CACNG4: variants seen among roughly 807,000 people sequenced by gnomAD.
CACNG4 encodes voltage-dependent calcium channel gamma-4 subunit.
A neutral mutation model predicts 22.9 loss-of-function variants in CACNG4; 8 were observed. That is an observed-to-expected ratio of 0.35 (90% confidence interval 0.21 to 0.63). The LOEUF (loss-of-function observed/expected upper bound fraction) is 0.63, where lower values mean the gene tolerates loss of function less well. CACNG4 is among the 30% of genes least tolerant of loss of function. The probability of loss-of-function intolerance (pLI) is 0.72; values close to 1 mark genes in which losing one functional copy is unlikely to be tolerated. For missense variants in CACNG4, 357 were observed against 455.4 expected (o/e 0.78, Z 1.97); for synonymous variants, 188 against 191.9 (o/e 0.98, Z 0.17).
intron 1 of CACNG4, among the ~76,000 whole-genome samples, chr17:67,000,105 A>C (rs3785587): frequency 6.6e-6 from 1 of 152,024 alleles, no homozygotes; most frequent in African/African-American, 2.4e-5. Flanking sequence ...GCTTCCACGC[A>C]GCCTTCCCCA....
At chr17:67,011,827 G>A (rs1329822116) in intron 1 of CACNG4, among the ~76,000 whole-genome samples, 7 of 151,824 alleles carry the variant, frequency 4.6e-5, no homozygotes, top group East Asian at 3.9e-4. Context: ...ATGCACAGTC[G>A]TCCCCTCCTA....
chr17:67,018,237 A>G lies in CACNG4; in HGVS notation c.269A>G (p.Asn90Ser). ...CGGATCAATCACTTCCCAGAGGACA[A>G]TGACTACGACCACGACAGCTCGGAG... ...CFRINHFPED[N>S]DYDHDSSEYL... The change falls in exon 2 of 4, where the codon AAT becomes AGT. Residue 90 changes from asparagine (N) to serine (S), a missense_variant. Coordinates refer to ENST00000262138, the MANE Select transcript of CACNG4 (RefSeq NM_014405.4). 6.2e-7 allele frequency: 1 copy of G among 1,614,138 alleles called. No individual in the cohort carries two copies. Among genetic ancestry groups the G allele is most frequent in the Non-Finnish European group, 8.5e-7 (1 of 1,179,986 alleles).
intron 1 of CACNG4, among the ~76,000 whole-genome samples, chr17:67,010,764 G>A (rs1316669075): frequency 1.3e-5 from 2 of 152,068 alleles, no homozygotes; most frequent in Non-Finnish European, 2.9e-5. Flanking sequence ...GTCTTTCTAG[G>A]CTGTTCCCTT....
chr17:66,994,611 C>A (rs2035362594), intron 1 of CACNG4, among the ~76,000 whole-genome samples: 1 of 152,218 alleles, frequency 6.6e-6, no homozygotes, highest in African/African-American at 2.4e-5. Context: ...AGAAAGCATG[C>A]CCTTTGGAAC....
At chr17:67,019,477 A>T (rs2035519422) in intron 2 of CACNG4, among the ~76,000 whole-genome samples, 1 of 152,224 alleles carries the variant, frequency 6.6e-6, no homozygotes, top group South Asian at 2.1e-4. Context: ...GCACAACTCA[A>T]GGGATGTCAC....
intron 2 of CACNG4, among the ~76,000 whole-genome samples, chr17:67,020,729 A>G (rs59077689): frequency 0.031 from 4,661 of 152,310 alleles, 218 homozygotes; most frequent in African/African-American, 0.11. Flanking sequence ...GGCCAAGGTC[A>G]TGATCACCAC....
chr17:66,997,817 A>AAAAC lies in CACNG4; in HGVS notation c.221-20352_221-20349dup, dbSNP rs370512501. On this transcript the variant is annotated intron_variant, in intron 1 of 3. Coordinates refer to ENST00000262138, the MANE Select transcript of CACNG4 (RefSeq NM_014405.4). ...GGGCAATGGGAGTGAGACCCTGTCA[A>AAAAC]AAACAAACAAACAAACAAACAAAAA... 8.9e-4 allele frequency among the ~76,000 whole-genome samples: 136 copies of AAAAC among 152,120 alleles called. 1 individual carries two copies. Among genetic ancestry groups the AAAAC allele is most frequent in the Admixed American group, 4.1e-3 (62 of 15,268 alleles).
chr17:67,031,002 T>TGAGCC lies in CACNG4; in HGVS notation c.984_*4dup. 1 of 1,607,606 alleles carries TGAGCC rather than the reference T, an allele frequency of 6.2e-7. No homozygotes were observed. Among genetic ancestry groups the TGAGCC allele is most frequent in the Non-Finnish European group, 8.5e-7 (1 of 1,175,660 alleles). The stretch of plus-strand genomic sequence containing the variant: ...GCTGAACCGACGGACGACCCCTGTG[T>TGAGCC]GAGCCGCCTGCCCTTTCTCTCCGCT... On this transcript the variant is annotated frameshift_variant and stop_retained_variant, in exon 4 of 4. Transcript: ENST00000262138. LOFTEE classifies it high-confidence loss of function. This position sits in a 1 kb window ranked among gnomAD's most constrained non-coding sequence, Gnocchi z 4.0.
chr17:66,977,011 C>T (rs1246145937), intron 1 of CACNG4, among the ~76,000 whole-genome samples: 2 of 152,172 alleles, frequency 1.3e-5, no homozygotes, highest in Non-Finnish European at 2.9e-5. Context: ...CCTGCAGTAT[C>T]CCTCGGGGTT....
intron 1 of CACNG4, among the ~76,000 whole-genome samples, chr17:66,976,218 C>T (rs567164035): frequency 3.4e-4 from 52 of 152,222 alleles, no homozygotes; most frequent in African/African-American, 1.1e-3. Context: ...GTCCTGACTC[C>T]GCCACTCACC....
intron 1 of CACNG4, among the ~76,000 whole-genome samples, chr17:66,977,626 G>A (rs1195372212): frequency 1.3e-5 from 2 of 152,242 alleles, no homozygotes; most frequent in East Asian, 3.9e-4. Context: ...GACATGGGAA[G>A]CCCTGAGGGT....
chr17:67,032,036 G>C lies in CACNG4; in HGVS notation c.*1032G>C, dbSNP rs1413460675. The C allele has an allele frequency of 2.2e-6, 1 of 449,524 alleles. No homozygotes were observed. The highest frequency in any genetic ancestry group is 7.0e-5 in the East Asian group (1 of 14,372). The allele number at this position is 449,524 out of a possible 1,614,324, so 27.8% of individuals were successfully genotyped here. A position where few individuals can be genotyped will look rare whatever the true frequency, so the allele number is the denominator to read the frequency against. On this transcript the variant is annotated 3_prime_UTR_variant, in exon 4 of 4. Transcript: ENST00000262138. The stretch of plus-strand genomic sequence containing the variant: ...AGGTGGTTACAAATCATAACTTCCT[G>C]CAAATCAACGCCAGGAGAGCAACTT...
rs140805398 is a variant in CACNG4, at chr17:66,992,944, T to C, written c.221-25245T>C. 7.2e-5 allele frequency among the ~76,000 whole-genome samples: 11 copies of C among 152,378 alleles called. No homozygotes were observed. The East Asian group carries it at 1.9e-3, about 27-fold the overall frequency. On this transcript the variant is annotated intron_variant, in intron 1 of 3. Coordinates refer to ENST00000262138, the MANE Select transcript of CACNG4 (RefSeq NM_014405.4). The stretch of plus-strand genomic sequence containing the variant: ...GTAGAACCATCACCCAAGTGGGACT[T>C]CTCAGGAAGATCGGGCCCCTCTGTG...
intron 1 of CACNG4, among the ~76,000 whole-genome samples, chr17:66,999,273 A>AGTT (rs573482151): frequency 0.028 from 3,698 of 131,350 alleles, 148 homozygotes; most frequent in African/African-American, 0.11. Flanking sequence ...TTGGCAGTAG[A>AGTT]GTTGGTGGTG....
At chr17:66,994,066 C>T (rs1328268437) in intron 1 of CACNG4, among the ~76,000 whole-genome samples, 1 of 151,628 alleles carries the variant, frequency 6.6e-6, no homozygotes, top group Non-Finnish European at 1.5e-5. Flanking sequence ...TGCGGTGGCT[C>T]ACAGCTATAA....
chr17:66,982,992 C>G (rs1370561659), intron 1 of CACNG4, among the ~76,000 whole-genome samples: 1 of 151,290 alleles, frequency 6.6e-6, no homozygotes. Context: ...GATGCAGAAA[C>G]TGAGGCACGG....
At chr17:67,022,558 A>G (rs1660461351) in intron 2 of CACNG4, among the ~76,000 whole-genome samples, 2 of 152,288 alleles carry the variant, frequency 1.3e-5, no homozygotes, top group East Asian at 3.9e-4. Context: ...CCCCCAGACA[A>G]TCTCCTCTCT....
chr17:67,018,876 G>A (rs2035515983), intron 2 of CACNG4, among the ~76,000 whole-genome samples: 1 of 152,030 alleles, frequency 6.6e-6, no homozygotes, highest in African/African-American at 2.4e-5. Context: ...CCTGCTCCTG[G>A]GTCCAGTGAC....
intron 1 of CACNG4, among the ~76,000 whole-genome samples, chr17:66,992,160 T>TG (rs10605777): frequency 0.035 from 4,853 of 139,544 alleles, 120 homozygotes; most frequent in Admixed American, 0.082. Flanking sequence ...GCCAAGCTCC[T>TG]GGGGGGGGGG....
Sources: gnomAD v4.1 joint callset for allele counts (sites outside exome capture counted in the v4.1 genomes callset) on GRCh38, gnomAD v4.1.1 for gene constraint, Gnocchi (gnomAD v3.1) non-coding constraint, MANE v1.5 for transcripts, NCBI Gene and HGNC (gene_info 2026-07-23, HGNC 2026-07-21) for gene names.